The following SOCS5 variants were observed in gnomAD, a reference collection of about 807,000 sequenced individuals.
SOCS5 encodes the protein CIS-6.
A neutral mutation model predicts 42.8 loss-of-function variants in SOCS5; 32 were observed. That is an observed-to-expected ratio of 0.75 (90% CI 0.56 to 1.01). The LOEUF (loss-of-function observed/expected upper bound fraction) is 1.01, where lower values mean the gene tolerates loss of function less well. Ranked by LOEUF, SOCS5 falls within the 50% of genes least tolerant of loss-of-function variation. SOCS5 has a pLI of 0.00. For missense variants in SOCS5, 627 were observed against 653.0 expected, an observed-to-expected ratio of 0.96 and a Z score of 0.43; for synonymous variants, 283 against 229.6, an observed-to-expected ratio of 1.23 and a Z score of -2.10.
At chr2:46,729,461 A>G (rs192698608) in intron 1 of SOCS5, among the ~76,000 whole-genome samples, 1 of 152,374 alleles carries the variant, frequency 6.6e-6, no homozygotes, top group Admixed American at 6.5e-5. Flanking sequence ...CCTAGGCCGT[A>G]TAGCGTAGCC....
At chr2:46,750,798 TA>T (rs1673605554) in intron 1 of SOCS5, among the ~76,000 whole-genome samples, 1 of 152,202 alleles carries the variant, frequency 6.6e-6, no homozygotes, top group African/African-American at 2.4e-5. Flanking sequence ...TCATTACAAT[TA>T]AAATAGAATA....
At position 46,759,874 on chromosome 2, in the gene SOCS5, C is replaced by G. The variant is rs1366782979; in HGVS notation, c.1344C>G (p.His448Gln). ...SFDAHDPCVFHSSTVTGLLEH... is the reference protein window; with the variant it reads ...SFDAHDPCVFQSSTVTGLLEH... ...ACGCCCATGACCCGTGTGTATTTCA[C>G]TCCTCCACTGTAACGGGACTTTTAG... The change falls in exon 2 of 2, where the codon CAC becomes CAG. Residue 448 changes from histidine (H) to glutamine (Q), a missense_variant. By Grantham distance (24) the His-to-Gln change is conservative (BLOSUM62 0). Transcript: ENST00000394861. 6.2e-7 allele frequency: 1 copy of G among 1,614,174 alleles called. No homozygotes were observed. Among genetic ancestry groups the G allele is most frequent in the Non-Finnish European group, 8.5e-7 (1 of 1,180,038 alleles).
intron 1 of SOCS5, among the ~76,000 whole-genome samples, chr2:46,723,790 T>C (rs1353174162): frequency 6.6e-6 from 1 of 152,122 alleles, no homozygotes. Context: ...TCAGTTTGTC[T>C]GTATCAGTGC....
chr2:46,736,471 A>G (rs78050783), intron 1 of SOCS5, among the ~76,000 whole-genome samples: 12,937 of 152,192 alleles, frequency 0.085, 675 homozygotes, highest in Middle Eastern at 0.24. Flanking sequence ...CTCATTAAAA[A>G]CTAACCTCAT....
At chr2:46,712,420 T>C (rs566082618) in intron 1 of SOCS5, among the ~76,000 whole-genome samples, 1 of 138,980 alleles carries the variant, frequency 7.2e-6, no homozygotes, top group South Asian at 2.4e-4. Context: ...CTTGGCTCAC[T>C]GCAACCCCCG....
intron 1 of SOCS5, among the ~76,000 whole-genome samples, chr2:46,750,811 G>A (rs1673605813): frequency 6.6e-6 from 1 of 152,070 alleles, no homozygotes; most frequent in Non-Finnish European, 1.5e-5. Context: ...AATAGAATAG[G>A]CTAGAAATTT....
rs779779913 is a variant in SOCS5, at chr2:46,759,057, C to G, written c.527C>G (p.Ser176Cys). The change falls in exon 2 of 2, where the codon TCT becomes TGT. Residue 176 changes from serine to cysteine, a missense_variant. This residue lies in a region of SOCS5 where 278 missense variants were observed against 246.3 expected (regional missense o/e 1.13). Coordinates refer to ENST00000394861, the MANE Select transcript of SOCS5 (RefSeq NM_144949.3). Reference sequence around the variant, plus strand: ...TCCAGCAGAACTGTAGGAAGTCGCTCTCTAAGACAGAGGTTGCAGGATACT... The same window carrying G: ...TCCAGCAGAACTGTAGGAAGTCGCTGTCTAAGACAGAGGTTGCAGGATACT... The part of the protein sequence containing the change: ...SVSSRTVGSR[S>C]LRQRLQDTVG... The G allele has an allele frequency of 1.3e-5, 21 of 1,613,878 alleles. No individual in the cohort carries two copies. The highest frequency in any genetic ancestry group is 1.6e-5 in the Non-Finnish European group (19 of 1,179,858).
upstream of SOCS5, chr2:46,699,153 GC>G: frequency 6.5e-6 from 1 of 153,376 alleles, no homozygotes; most frequent in Non-Finnish European, 1.4e-5. This position sits in a 1 kb window ranked among gnomAD's most constrained non-coding sequence, Gnocchi z 4.8. Context: ...CCCGCCCCCC[GC>G]CCCCCGCCCC....
chr2:46,732,876 GTTAGTCTTTTATA>G (rs1330410142), intron 1 of SOCS5, among the ~76,000 whole-genome samples: 4 of 152,116 alleles, frequency 2.6e-5, no homozygotes, highest in African/African-American at 7.2e-5. Context: ...GGCCATGCGA[GTTAGTCTTTTATA>G]TGGTGATGAG....
At chr2:46,707,625 G>T (rs946358857) in intron 1 of SOCS5, among the ~76,000 whole-genome samples, 2 of 152,134 alleles carry the variant, frequency 1.3e-5, no homozygotes, top group Admixed American at 6.5e-5. Context: ...ATAGGAGTTT[G>T]GATTTTTATT....
At chr2:46,715,970 C>T (rs1420367356) in intron 1 of SOCS5, among the ~76,000 whole-genome samples, 1 of 152,082 alleles carries the variant, frequency 6.6e-6, no homozygotes, top group East Asian at 1.9e-4. Flanking sequence ...GTCCATTTTT[C>T]TTCCAATCTG....
At chr2:46,735,260 C>G (rs935150635) in intron 1 of SOCS5, among the ~76,000 whole-genome samples, 2 of 152,168 alleles carry the variant, frequency 1.3e-5, no homozygotes, top group African/African-American at 4.8e-5. Context: ...AGATTTGACC[C>G]TTGTCCTTAT....
At chr2:46,711,647 T>G (rs1672625124) in intron 1 of SOCS5, among the ~76,000 whole-genome samples, 1 of 152,222 alleles carries the variant, frequency 6.6e-6, no homozygotes, top group Admixed American at 6.5e-5. Flanking sequence ...ATATTTCCTC[T>G]TATGCTAGTG....
At chr2:46,719,040 A>G (rs1014902778) in intron 1 of SOCS5, among the ~76,000 whole-genome samples, 4 of 152,228 alleles carry the variant, frequency 2.6e-5, no homozygotes, top group Non-Finnish European at 4.4e-5. Flanking sequence ...TCAAATGATT[A>G]GGTTATGCTA....
In SOCS5 at chr2:46,747,296, C is replaced by T. The variant is rs148281683; in HGVS notation, c.-12-11223C>T. ...AGTGTGATAGTGCAGTCACAGCTCA[C>T]TGCAGCCTTTACCTCCTGGGCTCAA... On this transcript the variant is annotated intron_variant, in intron 1 of 1. Coordinates refer to ENST00000394861, the MANE Select transcript of SOCS5 (RefSeq NM_144949.3). 2.9e-3 allele frequency among the ~76,000 whole-genome samples: 437 copies of T among 152,206 alleles called. 2 individuals are homozygous for T. In the Middle Eastern group the frequency reaches 0.031, roughly 11 times the overall value.
chr2:46,741,358 A>G lies in SOCS5; in HGVS notation c.-12-17161A>G, dbSNP rs867564809. On this transcript the variant is annotated intron_variant, in intron 1 of 1. Coordinates refer to ENST00000394861, the MANE Select transcript of SOCS5 (RefSeq NM_144949.3). ...AGGTTCAAGTGATTCTTTTACCTCAATGTCCAAGTAGCTGGGATTACAAGC... is the reference window on the plus strand; with the variant it reads ...AGGTTCAAGTGATTCTTTTACCTCAGTGTCCAAGTAGCTGGGATTACAAGC... Among the ~76,000 whole-genome samples, 27 of 152,056 alleles carry G rather than the reference A, an allele frequency of 1.8e-4. No homozygotes were observed. The East Asian group carries it at 2.3e-3, about 13-fold the overall frequency.
At chr2:46,749,704 C>G (rs1673583252) in intron 1 of SOCS5, among the ~76,000 whole-genome samples, 1 of 152,068 alleles carries the variant, frequency 6.6e-6, no homozygotes, top group South Asian at 2.1e-4. Flanking sequence ...CCGGACCTTA[C>G]CCAGTACTGT....
At chr2:46,700,086 A>T (rs1672307923) in intron 1 of SOCS5, among the ~76,000 whole-genome samples, 1 of 152,118 alleles carries the variant, frequency 6.6e-6, no homozygotes, top group African/African-American at 2.4e-5. Flanking sequence ...AGAGTCTTTG[A>T]TGTGGGGTTT....
chr2:46,758,478 T>C, intron 1 of SOCS5, 41 bp from the exon 2 acceptor site: 1 of 1,405,110 alleles, frequency 7.1e-7, no homozygotes, highest in African/African-American at 1.4e-5. Flanking sequence ...ACATGCTACT[T>C]TGATTAATTT....
Sources: gnomAD v4.1 joint callset for allele counts (sites outside exome capture counted in the v4.1 genomes callset) on GRCh38, gnomAD v4.1.1 for gene constraint, gnomAD v4.1.1 regional missense constraint, Gnocchi (gnomAD v3.1) non-coding constraint, MANE v1.5 for transcripts, NCBI Gene and HGNC (gene_info 2026-07-23, HGNC 2026-07-21) for gene names.